The following CYB5R3 variants were observed in gnomAD, a reference collection of about 807,000 sequenced individuals.
CYB5R3 encodes NADH-cytochrome b5 reductase 3.
Under a neutral mutation model 36.5 loss-of-function variants are expected in CYB5R3, and 28 were observed. The observed-to-expected ratio is 0.77, with a 90% CI of 0.57 to 1.05. The LOEUF is 1.05. Among genes scored for constraint, CYB5R3 ranks in the 50% least tolerant of loss-of-function variants. CYB5R3 has a pLI of 0.00. For synonymous variants in CYB5R3, 181 were observed against 159.8 expected, an observed-to-expected ratio of 1.13 and a Z score of -1.00; for missense variants, 474 against 408.9, an observed-to-expected ratio of 1.16 and a Z score of -1.37.
chr22:42,628,310 C>T (rs2146878244), intron 4 of CYB5R3, 29 bp from the exon 5 acceptor site: 1 of 1,612,448 alleles, frequency 6.2e-7, no homozygotes. Context: ...GCCCTCAGTC[C>T]CCAGCTCCAG....
Position 42,631,375 on chromosome 22 carries a change from C to T in CYB5R3, c.226+3G>A, listed in dbSNP as rs1928607846. On this transcript the variant is annotated splice_donor_region_variant and intron_variant, in intron 3 of 8. Transcript: ENST00000352397. Reference sequence around the variant, plus strand: ...GAATGGGCCCAGCAGGGGCGTGACTCACCGACAGGGAGGCCCAGGATGTGC... The same window carrying T: ...GAATGGGCCCAGCAGGGGCGTGACTTACCGACAGGGAGGCCCAGGATGTGC... The T allele has an allele frequency of 1.9e-6, 3 of 1,551,396 alleles. No homozygotes were observed. The African/African-American group carries it at 4.1e-5, about 21-fold the overall frequency.
At chr22:42,636,961 C>A in intron 1 of CYB5R3, 115 bp from the exon 2 acceptor site, 1 of 1,389,050 alleles carries the variant, frequency 7.2e-7, no homozygotes. Flanking sequence ...GGAGCACCCT[C>A]TCCCCACCAC....
At position 42,628,091 on chromosome 22, in the gene CYB5R3, C is replaced by T. The variant is rs370674514; in HGVS notation, c.463+61G>A. Reference sequence around the variant, plus strand: ...AGGGGCCTGCACCCTGCACCCAGCACGCCCAAGCTCTCCAATTCTCTGAGC... The same window carrying T: ...AGGGGCCTGCACCCTGCACCCAGCATGCCCAAGCTCTCCAATTCTCTGAGC... On this transcript the variant is annotated intron_variant, in intron 5 of 8. Transcript: ENST00000352397. The T allele has an allele frequency of 1.1e-4, 172 of 1,608,448 alleles. No individual in the cohort carries two copies. The East Asian group carries it at 2.1e-3, about 20-fold the overall frequency.
chr22:42,624,044 C>T, intron 7 of CYB5R3, among the ~76,000 whole-genome samples, 156 bp from the exon 8 acceptor site: 1 of 152,326 alleles, frequency 6.6e-6, no homozygotes, highest in Middle Eastern at 3.4e-3. Context: ...CCTGGCACCC[C>T]TCTCTCCTTG....
chr22:42,627,583 C>T (rs747382332), intron 6 of CYB5R3, 22 bp downstream of exon 6: 4 of 1,608,464 alleles, frequency 2.5e-6, no homozygotes, highest in Admixed American at 3.3e-5. Context: ...CGCCGGACGC[C>T]TCAGTGGGGG....
chr22:42,627,817 C>T (rs932429909), intron 5 of CYB5R3, 129 bp from the exon 6 acceptor site: 224 of 779,710 alleles, frequency 2.9e-4, no homozygotes, highest in Middle Eastern at 8.9e-4. Context: ...GCCATTCTAA[C>T]GCGAGCCATG....
chr22:42,643,389 T>C (rs1357671244), intron 1 of CYB5R3, among the ~76,000 whole-genome samples: 2 of 152,080 alleles, frequency 1.3e-5, no homozygotes, highest in South Asian at 4.2e-4. Flanking sequence ...AGGAGTGGAA[T>C]AGCCAAGTGA....
chr22:42,645,169 G>A lies in CYB5R3; in HGVS notation c.21+4126C>T, dbSNP rs368400230. On this transcript the variant is annotated intron_variant, in intron 1 of 8. Coordinates refer to ENST00000352397, the MANE Select transcript of CYB5R3 (RefSeq NM_000398.7). ...TGCTGGCCTCCAACCCCAGGCTGCC[G>A]GCTCCCCACAAGTCTCCAGAAGTGG... 8.5e-5 allele frequency among the ~76,000 whole-genome samples: 13 copies of A among 152,242 alleles called. No individual in the cohort carries two copies. The East Asian group carries it at 1.5e-3, about 18-fold the overall frequency.
At chr22:42,627,564 A>G (rs1392296006) in intron 6 of CYB5R3, 41 bp downstream of exon 6, 1 of 1,582,994 alleles carries the variant, frequency 6.3e-7, no homozygotes, top group Non-Finnish European at 8.7e-7. Flanking sequence ...CCCCACCCTT[A>G]ACATGAGCCG....
chr22:42,640,381 A>G, intron 1 of CYB5R3: 1 of 674,460 alleles, frequency 1.5e-6, no homozygotes, highest in Non-Finnish European at 2.0e-6. Context: ...TTATTTATTT[A>G]TTTATTTATT....
rs573680712 is a variant in CYB5R3 at position 42,618,727 on chromosome 22, A to C, written c.*1046T>G. On this transcript the variant is annotated 3_prime_UTR_variant, in exon 9 of 9. Coordinates refer to ENST00000352397, the MANE Select transcript of CYB5R3 (RefSeq NM_000398.7). ...CGTCTCAAAAAAAAAAAAAAAAGAAAAAAAAAATGCTAGGTCTTCCCCAGC... is the reference window on the plus strand; with the variant it reads ...CGTCTCAAAAAAAAAAAAAAAAGAACAAAAAAATGCTAGGTCTTCCCCAGC... 78 of 151,984 alleles carry C rather than the reference A, an allele frequency of 5.1e-4. No homozygotes were observed. Among genetic ancestry groups the C allele is most frequent in the African/African-American group, 1.8e-3 (75 of 41,354 alleles). The allele number at this position is 151,984 out of a possible 1,614,324, so 9.4% of individuals were successfully genotyped here. A position where few individuals can be genotyped will look rare whatever the true frequency, so the allele number is the denominator to read the frequency against.
intron 2 of CYB5R3, among the ~76,000 whole-genome samples, chr22:42,635,294 C>T (rs890008433): frequency 6.6e-6 from 1 of 150,456 alleles, no homozygotes; most frequent in Non-Finnish European, 1.5e-5. Context: ...TTAGTAGAGA[C>T]AGAGTTTCAC....
chr22:42,636,811 C>A lies in CYB5R3; in HGVS notation c.57G>T (p.Leu19=), dbSNP rs746989572. 10 of 1,613,830 alleles carry A rather than the reference C, an allele frequency of 6.2e-6. No homozygotes were observed. In the South Asian group the frequency reaches 9.9e-5, roughly 16 times the overall value. ...GHMVLFPVWF[L]YSLLMKLFQR... ...GGAACAGCTTCATGAGCAGACTGTA[C>A]AGGAACCAGACTGGGAAGAGCACCA... is the stretch of plus-strand genomic sequence containing the variant. Residue 19 remains leucine, a synonymous_variant, in exon 2 of 9, where the codon CTG becomes CTT. Coordinates refer to ENST00000352397, the MANE Select transcript of CYB5R3 (RefSeq NM_000398.7).
In CYB5R3 at chr22:42,641,908, G is replaced by C. The variant is rs944366310; in HGVS notation, c.22-5062C>G. Among the ~76,000 whole-genome samples the C allele has an allele frequency of 2.6e-5, 4 of 152,104 alleles. No homozygotes were observed. The South Asian group carries it at 8.3e-4, about 32-fold the overall frequency. On this transcript the variant is annotated intron_variant, in intron 1 of 8. Transcript: ENST00000352397. Reference sequence around the variant, plus strand: ...CACAGTACTGGGATTACAGGCATGAGCCACTGCACCCAGCCTATACGTGGA... The same window carrying C: ...CACAGTACTGGGATTACAGGCATGACCCACTGCACCCAGCCTATACGTGGA...
At position 42,623,733 on chromosome 22, in the gene CYB5R3, G is replaced by A. The variant is rs1928109322; in HGVS notation, c.733+56C>T. 7 of 1,447,552 alleles carry A rather than the reference G, an allele frequency of 4.8e-6. No homozygotes were observed. The South Asian group carries it at 5.7e-5, about 12-fold the overall frequency. 89.7% of individuals were successfully genotyped at this position (1,447,552 alleles called of 1,614,324 possible). On this transcript the variant is annotated intron_variant, in intron 8 of 8. Coordinates refer to ENST00000352397, the MANE Select transcript of CYB5R3 (RefSeq NM_000398.7). ...TCAACGCCACAAACAGCTGGGCAAA[G>A]GTGAACTGTGGGCTGGCACCTCCCA...
rs1927837023 is a variant in CYB5R3 at position 42,619,525 on chromosome 22, G to C, written c.*248C>G. 2 of 566,402 alleles carry C rather than the reference G, an allele frequency of 3.5e-6. No individual in the cohort carries two copies. Among genetic ancestry groups the C allele is most frequent in the South Asian group, 2.0e-5 (1 of 48,878 alleles). The allele number at this position is 566,402 out of a possible 1,614,324, so 35.1% of individuals were successfully genotyped here. ...GGTCATGAGGACAGGGATGGGGCTG[G>C]GCGTCTCTGGTAAGGACCAGTAAGT... On this transcript the variant is annotated 3_prime_UTR_variant, in exon 9 of 9. Coordinates refer to ENST00000352397, the MANE Select transcript of CYB5R3 (RefSeq NM_000398.7).
At chr22:42,621,651 G>T (rs972788511) in intron 8 of CYB5R3, among the ~76,000 whole-genome samples, 1 of 152,238 alleles carries the variant, frequency 6.6e-6, no homozygotes, top group African/African-American at 2.4e-5. Flanking sequence ...CCTCTCATTG[G>T]CAGGTAACTG....
chr22:42,625,601 C>T (rs137133), intron 7 of CYB5R3, among the ~76,000 whole-genome samples: 21,453 of 152,052 alleles, frequency 0.14, 2,042 homozygotes, highest in African/African-American at 0.26. Flanking sequence ...TGGCCACCGC[C>T]GCGACCCACC....
intron 7 of CYB5R3, among the ~76,000 whole-genome samples, chr22:42,624,473 C>T (rs557966628): frequency 6.6e-6 from 1 of 150,772 alleles, no homozygotes. Context: ...GCGGCTCCCC[C>T]ACCCCCACCC....
Sources: allele counts gnomAD v4.1 joint callset (sites outside exome capture counted in the v4.1 genomes callset), GRCh38; gene constraint gnomAD v4.1.1; transcripts MANE v1.5; gene names NCBI Gene and HGNC (gene_info 2026-07-23, HGNC 2026-07-21).